ITGBL1: variants seen among roughly 807,000 people sequenced by gnomAD.
The protein encoded by ITGBL1 is integrin subunit beta like 1.
A neutral mutation model predicts 68.5 loss-of-function variants in ITGBL1; 51 were observed. That is an observed-to-expected ratio of 0.74 (90% confidence interval 0.59 to 0.94). The LOEUF (loss-of-function observed/expected upper bound fraction) is 0.94. ITGBL1 is among the 40% of genes least tolerant of loss of function. ITGBL1 has a pLI of 0.00. For missense variants in ITGBL1, 649 were observed against 647.4 expected (o/e 1.00, Z -0.03); for synonymous variants, 209 against 227.3 (o/e 0.92, Z 0.72).
At chr13:101,700,995 A>G (rs2034123724) in intron 8 of ITGBL1, among the ~76,000 whole-genome samples, 1 of 152,204 alleles carries the variant, frequency 6.6e-6, no homozygotes, top group African/African-American at 2.4e-5. Context: ...AGACAGGGCC[A>G]ATGCCTATTT....
intron 7 of ITGBL1, among the ~76,000 whole-genome samples, chr13:101,658,508 G>C (rs915832197): frequency 6.6e-6 from 1 of 152,060 alleles, no homozygotes; most frequent in Non-Finnish European, 1.5e-5. Flanking sequence ...TTTTAAATCA[G>C]TTAAATTATA....
At chr13:101,492,864 G>T (rs78395896) in intron 2 of ITGBL1, among the ~76,000 whole-genome samples, 212 of 152,136 alleles carry the variant, frequency 1.4e-3, no homozygotes, top group African/African-American at 4.7e-3. Flanking sequence ...TTCTTTCTTC[G>T]CATTGCTTCT....
intron 2 of ITGBL1, among the ~76,000 whole-genome samples, chr13:101,552,145 CA>C: frequency 6.6e-6 from 1 of 152,306 alleles, no homozygotes; most frequent in Non-Finnish European, 1.5e-5. Context: ...GTACAGTTTG[CA>C]GTCCCTTTAC....
chr13:101,557,449 A>C (rs1325601367), intron 2 of ITGBL1, among the ~76,000 whole-genome samples: 1 of 152,214 alleles, frequency 6.6e-6, no homozygotes, highest in African/African-American at 2.4e-5. Flanking sequence ...TGTATTAAAA[A>C]TGGTCAAGTT....
At chr13:101,454,129 G>C in intron 2 of ITGBL1, 29 bp downstream of exon 2, 2 of 1,475,188 alleles carry the variant, frequency 1.4e-6, no homozygotes, top group Non-Finnish European at 1.8e-6. Context: ...CTCCTCCCTC[G>C]GGAGGTCGAA....
intron 2 of ITGBL1, among the ~76,000 whole-genome samples, chr13:101,531,577 C>A (rs9300677): frequency 0.4 from 58,217 of 144,684 alleles, 12,012 homozygotes; most frequent in Middle Eastern, 0.53. Flanking sequence ...TTCTGGAACA[C>A]GCTACACCCG....
At chr13:101,654,386 C>T (rs889960326) in intron 7 of ITGBL1, among the ~76,000 whole-genome samples, 1 of 152,056 alleles carries the variant, frequency 6.6e-6, no homozygotes, top group Non-Finnish European at 1.5e-5. Flanking sequence ...GGGACAAAGG[C>T]CAACTAAGAA....
At chr13:101,602,745 A>G (rs2030463791) in intron 7 of ITGBL1, among the ~76,000 whole-genome samples, 1 of 151,880 alleles carries the variant, frequency 6.6e-6, no homozygotes, top group South Asian at 2.1e-4. Context: ...TTGTCCCAGA[A>G]CCCCTGGAAA....
chr13:101,493,321 G>A (rs1167470539), intron 2 of ITGBL1, among the ~76,000 whole-genome samples: 1 of 151,030 alleles, frequency 6.6e-6, no homozygotes, highest in Non-Finnish European at 1.5e-5. Context: ...GTATCTTTAA[G>A]AAGATACCAA....
Position 101,509,152 on chromosome 13 carries a change from A to G in ITGBL1, c.316+55052A>G, listed in dbSNP as rs554362923. On this transcript the variant is annotated intron_variant, in intron 2 of 10. Coordinates refer to ENST00000376180, the MANE Select transcript of ITGBL1 (RefSeq NM_004791.3). ...GGCCTCACAATCATGGTGGAAGGCA[A>G]GGAGGAGCAAGTCACATCTTACGTG... 5.9e-4 allele frequency among the ~76,000 whole-genome samples: 90 copies of G among 152,254 alleles called. No homozygotes were observed. In the Middle Eastern group the frequency reaches 0.027, roughly 46 times the overall value.
chr13:101,645,007 A>G (rs1336091866), intron 7 of ITGBL1, among the ~76,000 whole-genome samples: 1 of 152,176 alleles, frequency 6.6e-6, no homozygotes, highest in Non-Finnish European at 1.5e-5. Flanking sequence ...GAATTGCATT[A>G]CTCAGGAATA....
chr13:101,555,124 CAATATT>C (rs1201920911), intron 2 of ITGBL1, among the ~76,000 whole-genome samples: 15 of 152,058 alleles, frequency 9.9e-5, no homozygotes, highest in South Asian at 8.3e-4. Context: ...TAAAAAGTGA[CAATATT>C]AATATTGTGT....
chr13:101,649,568 T>C (rs989122985), intron 7 of ITGBL1, among the ~76,000 whole-genome samples: 3 of 152,152 alleles, frequency 2.0e-5, no homozygotes, highest in Non-Finnish European at 4.4e-5. Context: ...TGGAAATCTA[T>C]ACTTGTTTAG....
chr13:101,596,692 A>C lies in ITGBL1; in HGVS notation c.869-1461A>C, dbSNP rs150594108. Among the ~76,000 whole-genome samples, 512 of 152,256 alleles carry C rather than the reference A, an allele frequency of 3.4e-3. 4 individuals are homozygous for C. Among genetic ancestry groups the C allele is most frequent in the African/African-American group, 0.012 (487 of 41,552 alleles). ...GGTTGTGAGACCTTAATAAATAGCG[A>C]TCCATTAAATGGTTAATTTAAAAAA... On this transcript the variant is annotated intron_variant, in intron 6 of 10. Coordinates refer to ENST00000376180, the MANE Select transcript of ITGBL1 (RefSeq NM_004791.3).
intron 2 of ITGBL1, among the ~76,000 whole-genome samples, chr13:101,474,588 G>C (rs1375059334): frequency 6.6e-6 from 1 of 152,146 alleles, no homozygotes; most frequent in African/African-American, 2.4e-5. Flanking sequence ...GCAGTAGCCA[G>C]GCAGTGTGGT....
intron 2 of ITGBL1, among the ~76,000 whole-genome samples, chr13:101,566,961 A>G (rs2139249148): frequency 6.6e-6 from 1 of 152,250 alleles, no homozygotes; most frequent in African/African-American, 2.4e-5. Context: ...TGAAGTTTGT[A>G]CATTCTTTGA....
At position 101,706,731 on chromosome 13, in the gene ITGBL1, CTCCTT is replaced by C. The variant is rs2034272139; in HGVS notation, c.1133-20_1133-16del. 1 of 1,608,504 alleles carries C rather than the reference CTCCTT, an allele frequency of 6.2e-7. No homozygotes were observed. Among genetic ancestry groups the C allele is most frequent in the Non-Finnish European group, 8.5e-7 (1 of 1,176,162 alleles). ...AGCTGGTTATTTCCTCATCCTCTCA[CTCCTT>C]TCCTGTGGTTGCTTCACAGGCCACG... On this transcript the variant is annotated intron_variant, in intron 8 of 10. Coordinates refer to ENST00000376180, the MANE Select transcript of ITGBL1 (RefSeq NM_004791.3).
chr13:101,500,852 C>G (rs1037262513), intron 2 of ITGBL1, among the ~76,000 whole-genome samples: 1 of 152,154 alleles, frequency 6.6e-6, no homozygotes, highest in African/African-American at 2.4e-5. Context: ...ACTGCAACAT[C>G]CAGTCTGAGG....
At chr13:101,711,484 A>G (rs1594000551) in intron 9 of ITGBL1, 2 of 152,276 alleles carry the variant, frequency 1.3e-5, no homozygotes, top group East Asian at 3.9e-4. Context: ...ATGCCTGTGC[A>G]GTCAGACCTG....
Sources: allele counts gnomAD v4.1 joint callset (sites outside exome capture counted in the v4.1 genomes callset), GRCh38; gene constraint gnomAD v4.1.1; transcripts MANE v1.5; gene names NCBI Gene and HGNC (gene_info 2026-07-23, HGNC 2026-07-21).